The following RPH3AL variants were observed in gnomAD, a reference collection of about 807,000 sequenced individuals.
RPH3AL encodes rabphilin 3A like (without C2 domains).
A neutral mutation model predicts 43.1 loss-of-function variants in RPH3AL; 38 were observed. The observed-to-expected ratio is 0.88, with a 90% CI of 0.68 to 1.15. RPH3AL has a LOEUF of 1.15. Among genes scored for constraint, RPH3AL ranks in the 50% most tolerant of loss-of-function variants. The pLI, the probability that RPH3AL is intolerant of heterozygous loss-of-function variation, is 0.00. For synonymous variants in RPH3AL, 189 were observed against 176.3 expected (o/e 1.07, Z -0.57); for missense variants, 462 against 423.2 (o/e 1.09, Z -0.81).
chr17:249,340 T>C (rs2041835024), intron 6 of RPH3AL, among the ~76,000 whole-genome samples: 1 of 152,112 alleles, frequency 6.6e-6, no homozygotes, highest in Non-Finnish European at 1.5e-5. Context: ...CTGACCTCCC[T>C]GGCCCTCAGT....
intron 3 of RPH3AL, among the ~76,000 whole-genome samples, chr17:326,600 G>A (rs537956569): frequency 6.6e-6 from 1 of 152,188 alleles, no homozygotes; most frequent in African/African-American, 2.4e-5. Flanking sequence ...GAAAACCAGG[G>A]CCAGGCGCGG....
rs992513899 is a variant in RPH3AL, at chr17:240,260, T to C, written c.613+6851A>G. Among the ~76,000 whole-genome samples, 3 of 149,058 alleles carry C rather than the reference T, an allele frequency of 2.0e-5. No individual in the cohort carries two copies. In the East Asian group the frequency reaches 5.8e-4, roughly 29 times the overall value. On this transcript the variant is annotated intron_variant, in intron 7 of 9. Coordinates refer to ENST00000331302, the MANE Select transcript of RPH3AL (RefSeq NM_006987.4). ...CTCAAAAAAAAAAAAAAAGGTTTTT[T>C]TGTTGTAAGCTATTCTCCACCTTAT...
At chr17:272,766 A>G (rs2042504585) in intron 6 of RPH3AL, among the ~76,000 whole-genome samples, 1 of 148,076 alleles carries the variant, frequency 6.8e-6, no homozygotes, top group African/African-American at 2.6e-5. Context: ...TTTAAGTCAC[A>G]CACACACACA....
In RPH3AL at chr17:322,807, G is replaced by A. The variant is rs1434088440; in HGVS notation, c.78-1392C>T. On this transcript the variant is annotated intron_variant, in intron 3 of 9. Transcript: ENST00000331302. The surrounding 1 kb of genome is among the most constrained non-coding windows in gnomAD (Gnocchi z 4.0). ...CTGTGGCCGACACAATAGGAGTTTG[G>A]AAAGCTAATACGCATATCCTTTCTC... 6.6e-6 allele frequency among the ~76,000 whole-genome samples: 1 copy of A among 152,126 alleles called. No homozygotes were observed. The highest frequency in any genetic ancestry group is 6.5e-5 in the Admixed American group (1 of 15,272).
intron 7 of RPH3AL, among the ~76,000 whole-genome samples, chr17:232,671 C>T: frequency 6.6e-6 from 1 of 152,130 alleles, no homozygotes; most frequent in Admixed American, 6.5e-5. Flanking sequence ...CTGTCTATGA[C>T]ATTGTTTGAT....
Position 294,296 on chromosome 17 carries a change from T to C in RPH3AL, c.352-12442A>G, listed in dbSNP as rs978415428. 7.9e-4 allele frequency among the ~76,000 whole-genome samples: 6 copies of C among 7,592 alleles called. No homozygotes were observed. In the South Asian group the frequency reaches 0.21, roughly 271 times the overall value. 5.0% of individuals were successfully genotyped at this position (7,592 alleles called of 152,430 possible). ...GGGCAACATAGCAAGACCCCGTCTC[T>C]ACAAAAAAAAAAATACAAAAATTAG... On this transcript the variant is annotated intron_variant, in intron 5 of 9. Transcript: ENST00000331302.
intron 5 of RPH3AL, among the ~76,000 whole-genome samples, chr17:307,974 C>T (rs947983131): frequency 4.6e-5 from 7 of 152,340 alleles, no homozygotes; most frequent in African/African-American, 1.7e-4. Flanking sequence ...CAAGTCCATT[C>T]CTGCCAGACA....
chr17:299,112 G>A (rs1413086542), intron 5 of RPH3AL, among the ~76,000 whole-genome samples: 2 of 152,146 alleles, frequency 1.3e-5, no homozygotes, highest in Non-Finnish European at 2.9e-5. Flanking sequence ...ACTTGAACAA[G>A]CAGAGGAGTA....
Position 279,291 on chromosome 17 carries a change from A to G in RPH3AL, c.438+2477T>C, listed in dbSNP as rs371682041. ...GGTACCCACAGGTACCCAGGCTCAT[A>G]TACCATGAACATGTTCCCAGCCCCA... On this transcript the variant is annotated intron_variant, in intron 6 of 9. Transcript: ENST00000331302. Among the ~76,000 whole-genome samples the G allele has an allele frequency of 1.9e-4, 29 of 152,306 alleles. No individual in the cohort carries two copies. The East Asian group carries it at 3.5e-3, about 18-fold the overall frequency.
chr17:303,540 GA>G (rs1457821066), intron 5 of RPH3AL, among the ~76,000 whole-genome samples: 6 of 129,410 alleles, frequency 4.6e-5, no homozygotes, highest in African/African-American at 1.7e-4. Context: ...TCAGGAAAGA[GA>G]TGGGGAGGGA....
chr17:240,892 A>C (rs1475487920), intron 7 of RPH3AL, among the ~76,000 whole-genome samples: 1 of 150,872 alleles, frequency 6.6e-6, no homozygotes, highest in African/African-American at 2.4e-5. Context: ...CCCTGTCTCT[A>C]CTAAACATAC....
rs950477472 is a variant in RPH3AL, at chr17:236,266, C to T, written c.613+10845G>A. Among the ~76,000 whole-genome samples the T allele has an allele frequency of 3.9e-5, 6 of 152,218 alleles. No individual in the cohort carries two copies. The South Asian group carries it at 6.2e-4, about 16-fold the overall frequency. ...GCCATTGACAGGGAGCTCACTCCTC[C>T]GTCAGATGCAAAACACTCAGTTCTG... On this transcript the variant is annotated intron_variant, in intron 7 of 9. Coordinates refer to ENST00000331302, the MANE Select transcript of RPH3AL (RefSeq NM_006987.4).
At chr17:273,754 T>C (rs2042587141) in intron 6 of RPH3AL, among the ~76,000 whole-genome samples, 1 of 152,260 alleles carries the variant, frequency 6.6e-6, no homozygotes, top group Admixed American at 6.5e-5. Flanking sequence ...TACAACACAC[T>C]GCAGGAGACA....
chr17:315,393 G>A (rs2043960514), intron 5 of RPH3AL, among the ~76,000 whole-genome samples: 7 of 150,392 alleles, frequency 4.7e-5, no homozygotes, highest in Admixed American at 2.0e-4. Context: ...CACCTCCATT[G>A]ACCTGTAGTC....
At chr17:330,744 C>T (rs757596005) in intron 2 of RPH3AL, among the ~76,000 whole-genome samples, 9 of 152,026 alleles carry the variant, frequency 5.9e-5, no homozygotes, top group African/African-American at 9.7e-5. Context: ...GGCGTGATGG[C>T]GCGCACCTGT....
At chr17:337,429 C>T (rs148434323) in intron 1 of RPH3AL, among the ~76,000 whole-genome samples, 1 of 152,292 alleles carries the variant, frequency 6.6e-6, no homozygotes, top group East Asian at 1.9e-4. Context: ...TTAAAAACCG[C>T]CTCACGGCAT....
At chr17:279,536 T>G (rs2042730558) in intron 6 of RPH3AL, among the ~76,000 whole-genome samples, 1 of 152,214 alleles carries the variant, frequency 6.6e-6, no homozygotes, top group African/African-American at 2.4e-5. Flanking sequence ...TAAGACAGGC[T>G]GGTGGTAGCT....
intron 3 of RPH3AL, among the ~76,000 whole-genome samples, chr17:325,602 G>A (rs967526021): frequency 6.6e-6 from 1 of 152,158 alleles, no homozygotes; most frequent in Non-Finnish European, 1.5e-5. Context: ...CTGATCCCCA[G>A]AGTAAGTCAC....
chr17:234,174 A>C (rs79707378), intron 7 of RPH3AL, among the ~76,000 whole-genome samples: 6 of 434 alleles, frequency 0.014, 1 homozygote, highest in Non-Finnish European at 0.027. Flanking sequence ...GCGGCTACTT[A>C]CCCTGACCAA....
Sources: gnomAD v4.1 joint callset for allele counts (sites outside exome capture counted in the v4.1 genomes callset) on GRCh38, gnomAD v4.1.1 for gene constraint, Gnocchi (gnomAD v3.1) non-coding constraint, MANE v1.5 for transcripts, NCBI Gene and HGNC (gene_info 2026-07-23, HGNC 2026-07-21) for gene names.